Variants in ZNF83 observed in about 807,000 individuals in gnomAD.
ZNF83 encodes zinc finger protein 83.
For synonymous variants in ZNF83, 209 were observed against 213.0 expected (o/e 0.98, Z 0.17); for missense variants, 552 against 629.9 (o/e 0.88, Z 1.32).
At chr19:52,664,833 A>G (rs116638087) in intron 1 of ZNF83, among the ~76,000 whole-genome samples, 3,286 of 151,882 alleles carry the variant, frequency 0.022, 114 homozygotes, top group African/African-American at 0.07. Context: ...GCTTCCCTCT[A>G]TCTCACTCTC....
chr19:52,678,206 A>C (rs926847306), intron 1 of ZNF83, among the ~76,000 whole-genome samples: 1 of 152,036 alleles, frequency 6.6e-6, no homozygotes, highest in South Asian at 2.1e-4. Flanking sequence ...TAATCCTAGC[A>C]CTTTGGGAGG....
intron 3 of ZNF83, among the ~76,000 whole-genome samples, chr19:52,653,614 G>A (rs1392070275): frequency 1.3e-5 from 2 of 150,952 alleles, no homozygotes; most frequent in Admixed American, 6.6e-5. Context: ...AAGGGATGAC[G>A]TCTGACTGAA....
chr19:52,652,550 G>T (rs2061455523), intron 3 of ZNF83: 1 of 441,954 alleles, frequency 2.3e-6, no homozygotes, highest in African/African-American at 2.0e-5. Context: ...CTGCAATCAT[G>T]ACATTTGTAA....
At chr19:52,623,051 C>T (rs937349870) in intron 2 of ZNF83, among the ~76,000 whole-genome samples, 4 of 152,180 alleles carry the variant, frequency 2.6e-5, no homozygotes, top group African/African-American at 9.7e-5. Context: ...GCCACTGGGC[C>T]AAGGAATGCC....
chr19:52,613,509 C>G, exon 3 of ZNF83: 1 of 1,612,362 alleles, frequency 6.2e-7, no homozygotes. Flanking sequence ...GACTGAAGAC[C>G]TTGCCACATT....
At chr19:52,686,697 T>G (rs978424178) in intron 1 of ZNF83, among the ~76,000 whole-genome samples, 9 of 152,078 alleles carry the variant, frequency 5.9e-5, no homozygotes, top group African/African-American at 2.2e-4. Context: ...CTCATCTTCC[T>G]GGGCAGCTGG....
chr19:52,639,413 C>CTTTTTTCTTTT (rs1206783591), upstream of ZNF83, among the ~76,000 whole-genome samples: 1 of 53,878 alleles, frequency 1.9e-5, no homozygotes, highest in African/African-American at 9.1e-5. Context: ...TTAGTTTTTT[C>CTTTTTTCTTTT]TATTTTTTTT....
chr19:52,632,597 T>C (rs1281746332), intron 2 of ZNF83, among the ~76,000 whole-genome samples: 1 of 152,158 alleles, frequency 6.6e-6, no homozygotes, highest in African/African-American at 2.4e-5. Flanking sequence ...ACAGCTGATA[T>C]CTCCTAGTGC....
intron 2 of ZNF83, among the ~76,000 whole-genome samples, chr19:52,627,310 A>ACGACAC (rs1311662512): frequency 6.6e-6 from 1 of 152,060 alleles, no homozygotes; most frequent in Non-Finnish European, 1.5e-5. Flanking sequence ...ACAGACGAGC[A>ACGACAC]TGACACTGCA....
intron 1 of ZNF83, among the ~76,000 whole-genome samples, chr19:52,687,656 T>TAA (rs1555792770): frequency 5.3e-5 from 1 of 18,700 alleles, no homozygotes; most frequent in Non-Finnish European, 9.2e-5. Flanking sequence ...TATATATATA[T>TAA]AATGTATATA....
intron 2 of ZNF83, among the ~76,000 whole-genome samples, chr19:52,659,821 A>G (rs1479598390): frequency 6.6e-6 from 1 of 152,204 alleles, no homozygotes; most frequent in African/African-American, 2.4e-5. Context: ...CAAAATTCAG[A>G]GATAGAGAAA....
chr19:52,619,157 A>T, intron 2 of ZNF83: 3 of 1,610,452 alleles, frequency 1.9e-6, no homozygotes, highest in Non-Finnish European at 2.5e-6. Flanking sequence ...ATTTAATTGT[A>T]GTGAATGTTC....
intron 3 of ZNF83, among the ~76,000 whole-genome samples, chr19:52,648,785 C>T (rs2061407267): frequency 6.6e-6 from 1 of 152,204 alleles, no homozygotes; most frequent in Non-Finnish European, 1.5e-5. Flanking sequence ...GATCAACCTG[C>T]TGCTAAAGAA....
intron 3 of ZNF83, among the ~76,000 whole-genome samples, chr19:52,645,804 C>A (rs11666880): frequency 0.23 from 30,695 of 130,816 alleles, 3,250 homozygotes; most frequent in Middle Eastern, 0.29. Context: ...GAGATTCTGC[C>A]CCCCCCCAAA....
chr19:52,658,988 T>C (rs1278985986), intron 2 of ZNF83, among the ~76,000 whole-genome samples: 1 of 152,116 alleles, frequency 6.6e-6, no homozygotes, highest in African/African-American at 2.4e-5. Flanking sequence ...GGGCCGGCTC[T>C]TGGTGTGCAG....
In ZNF83 at chr19:52,621,556, T is replaced by A. The variant is rs188527025; in HGVS notation, c.-233-6759A>T. 3.1e-3 allele frequency among the ~76,000 whole-genome samples: 462 copies of A among 151,102 alleles called. 4 individuals carry two copies. Among genetic ancestry groups the A allele is most frequent in the African/African-American group, 0.01 (412 of 40,506 alleles). On this transcript the variant is annotated intron_variant, in intron 2 of 2. Transcript: ENST00000301096. ...CTTGATCCTCCACCTTGGTGGCAAG[T>A]ACCATTTCCTCTTTGTGGCAAGTAC...
intron 1 of ZNF83, among the ~76,000 whole-genome samples, chr19:52,676,889 G>T (rs1156943310): frequency 1.5e-5 from 2 of 134,254 alleles, no homozygotes; most frequent in Non-Finnish European, 1.6e-5. Context: ...GATTAAGGGT[G>T]GTGCAAGATG....
At chr19:52,672,653 G>A (rs1208732774) in intron 1 of ZNF83, among the ~76,000 whole-genome samples, 2 of 152,204 alleles carry the variant, frequency 1.3e-5, no homozygotes, top group Non-Finnish European at 2.9e-5. Flanking sequence ...AGGCTGGGGT[G>A]CAATGGCACG....
chr19:52,618,714 CCTTCTTTA>C, intron 2 of ZNF83: 1 of 875,596 alleles, frequency 1.1e-6, no homozygotes, highest in Non-Finnish European at 1.6e-6. Flanking sequence ...AGGTTTTAAG[CCTTCTTTA>C]CTTCTGGAAC....
Sources: gnomAD v4.1 joint callset for allele counts (sites outside exome capture counted in the v4.1 genomes callset) on GRCh38, gnomAD v4.1.1 for gene constraint, MANE v1.5 for transcripts, NCBI Gene and HGNC (gene_info 2026-07-23, HGNC 2026-07-21) for gene names.